RABGAP1L: variants seen among roughly 807,000 people sequenced by gnomAD.
RABGAP1L encodes rab GTPase-activating protein 1-like.
RABGAP1L carries 63 observed loss-of-function variants against 137.7 expected under a neutral mutation model. The observed-to-expected ratio is 0.46, with a 90% CI of 0.37 to 0.56. The LOEUF (loss-of-function observed/expected upper bound fraction) is 0.56, where lower values mean the gene tolerates loss of function less well. RABGAP1L is among the 20% of genes least tolerant of loss of function. The pLI is 0.00. For synonymous variants in RABGAP1L, 431 were observed against 433.7 expected (o/e 0.99, Z 0.08); for missense variants, 1,095 against 1,244.0 (o/e 0.88, Z 1.80).
chr1:174,972,006 A>T (rs1236128316), intron 21 of RABGAP1L, among the ~76,000 whole-genome samples: 4 of 152,232 alleles, frequency 2.6e-5, no homozygotes, highest in Admixed American at 2.6e-4. Flanking sequence ...AAGGCTCTTC[A>T]GCTTTTCCCT....
chr1:174,222,495 T>C lies in RABGAP1L; in HGVS notation c.331+1331T>C, dbSNP rs138968792. Among the ~76,000 whole-genome samples the C allele has an allele frequency of 1.2e-3, 178 of 152,016 alleles. 1 individual carries two copies. The highest frequency in any genetic ancestry group is 4.2e-3 in the African/African-American group (174 of 41,460). On this transcript the variant is annotated intron_variant, in intron 3 of 25. Transcript: ENST00000681986. ...GTTTACCACATAAAGTGGTGAAGAG[T>C]GAAAAAGTATCAGTAGATAAAGAAC... is the stretch of plus-strand genomic sequence containing the variant.
At chr1:174,908,490 A>G (rs1026065987) in intron 19 of RABGAP1L, among the ~76,000 whole-genome samples, 1 of 151,944 alleles carries the variant, frequency 6.6e-6, no homozygotes, top group Admixed American at 6.6e-5. Flanking sequence ...AATCTGTAAC[A>G]TCAAAAATAC....
chr1:174,431,594 G>A (rs1652636005), intron 13 of RABGAP1L, among the ~76,000 whole-genome samples: 1 of 152,144 alleles, frequency 6.6e-6, no homozygotes, highest in African/African-American at 2.4e-5. Context: ...CTTAGTTTCT[G>A]ATACAGAAGC....
intron 13 of RABGAP1L, among the ~76,000 whole-genome samples, chr1:174,538,166 T>C (rs1335901622): frequency 6.6e-6 from 1 of 152,212 alleles, no homozygotes; most frequent in Non-Finnish European, 1.5e-5. Flanking sequence ...TTTCTTTGCT[T>C]ATGTTGGTAC....
chr1:174,500,445 C>G (rs2149374844), intron 13 of RABGAP1L, among the ~76,000 whole-genome samples: 1 of 152,226 alleles, frequency 6.6e-6, no homozygotes, highest in East Asian at 1.9e-4. Flanking sequence ...ATGTATCATT[C>G]ATTTAAAGTG....
At chr1:174,278,129 G>A (rs1675155030) in intron 9 of RABGAP1L, among the ~76,000 whole-genome samples, 1 of 152,202 alleles carries the variant, frequency 6.6e-6, no homozygotes, top group East Asian at 1.9e-4. Context: ...GAGGCCAGGT[G>A]TGGTGGCTCA....
At chr1:174,515,992 G>A (rs1572132329) in intron 13 of RABGAP1L, among the ~76,000 whole-genome samples, 1 of 152,092 alleles carries the variant, frequency 6.6e-6, no homozygotes, top group South Asian at 2.1e-4. Context: ...TAATAGAAGT[G>A]TGTAAAAAAC....
intron 13 of RABGAP1L, among the ~76,000 whole-genome samples, chr1:174,607,651 G>C (rs1192846806): frequency 6.6e-6 from 1 of 152,018 alleles, no homozygotes; most frequent in African/African-American, 2.4e-5. Context: ...TTTATTTCAG[G>C]GCTGTATCAC....
intron 18 of RABGAP1L, among the ~76,000 whole-genome samples, chr1:174,781,566 T>C (rs1480596165): frequency 6.6e-6 from 1 of 152,216 alleles, no homozygotes; most frequent in Non-Finnish European, 1.5e-5. Flanking sequence ...AGCTCTTTAG[T>C]TTAATTAGAT....
chr1:174,948,159 C>T (rs971498384), intron 19 of RABGAP1L, among the ~76,000 whole-genome samples: 2 of 151,950 alleles, frequency 1.3e-5, no homozygotes, highest in East Asian at 1.9e-4. Context: ...AGTAAGACCT[C>T]GTGTATGATA....
chr1:174,426,045 C>T (rs1651917108), intron 13 of RABGAP1L, among the ~76,000 whole-genome samples: 1 of 152,022 alleles, frequency 6.6e-6, no homozygotes, highest in Non-Finnish European at 1.5e-5. Flanking sequence ...TGCTATTTTA[C>T]AATCAATCAT....
intron 13 of RABGAP1L, among the ~76,000 whole-genome samples, chr1:174,614,294 G>T (rs933914909): frequency 1.8e-4 from 27 of 152,254 alleles, no homozygotes; most frequent in East Asian, 1.5e-3. Flanking sequence ...CTGTAAAGGA[G>T]TTTATTTCTC....
chr1:174,606,427 A>G (rs1242603139), intron 13 of RABGAP1L, among the ~76,000 whole-genome samples: 1 of 152,212 alleles, frequency 6.6e-6, no homozygotes, highest in East Asian at 1.9e-4. Context: ...TTGTCCATTG[A>G]TAAGGCATAC....
chr1:174,713,962 C>T (rs1260238036), intron 17 of RABGAP1L, among the ~76,000 whole-genome samples: 1 of 152,192 alleles, frequency 6.6e-6, no homozygotes, highest in Non-Finnish European at 1.5e-5. Context: ...TAACCGATTA[C>T]ACTCCTCTAC....
chr1:174,553,847 C>T (rs937606788), intron 13 of RABGAP1L, among the ~76,000 whole-genome samples: 1 of 152,118 alleles, frequency 6.6e-6, no homozygotes, highest in Non-Finnish European at 1.5e-5. Context: ...CAAAAATTAG[C>T]TGGACGTGGT....
chr1:174,832,258 A>G (rs1034653789), intron 19 of RABGAP1L, among the ~76,000 whole-genome samples: 1 of 146,776 alleles, frequency 6.8e-6, no homozygotes, highest in Admixed American at 6.8e-5. Flanking sequence ...GTGCCACTAC[A>G]TTCCAGCCTG....
chr1:174,402,960 T>C (rs1648786777), intron 13 of RABGAP1L, among the ~76,000 whole-genome samples: 1 of 152,138 alleles, frequency 6.6e-6, no homozygotes, highest in Non-Finnish European at 1.5e-5. Flanking sequence ...ATATATGGTA[T>C]AGTTTGCCTA....
rs1054313083 is a variant in RABGAP1L at position 174,364,243 on chromosome 1, CTTTTTTTTTTTTTTTT to C, written c.1466-6722_1466-6707del. 1.9e-3 allele frequency among the ~76,000 whole-genome samples: 151 copies of C among 81,180 alleles called. 3 individuals carry two copies. The South Asian group carries it at 0.037, about 20-fold the overall frequency. 53.3% of individuals were successfully genotyped at this position (81,180 alleles called of 152,430 possible). On this transcript the variant is annotated intron_variant, in intron 11 of 25. Transcript: ENST00000681986. ...TTGTTCTGTTCAGCTTTTGGATTTC[CTTTTTTTTTTTTTTTT>C]TTTTTTTTTTTTTGAGACGGAGTCT...
chr1:174,896,400 T>C (rs1214086593), intron 19 of RABGAP1L, among the ~76,000 whole-genome samples: 2 of 152,232 alleles, frequency 1.3e-5, no homozygotes, highest in African/African-American at 4.8e-5. Flanking sequence ...GCCTATTCAC[T>C]CTGATGATAG....
Sources: gnomAD v4.1 joint callset for allele counts (sites outside exome capture counted in the v4.1 genomes callset) on GRCh38, gnomAD v4.1.1 for gene constraint, MANE v1.5 for transcripts, NCBI Gene and HGNC (gene_info 2026-07-23, HGNC 2026-07-21) for gene names.